The following KHDC1 variants were observed in gnomAD, a reference collection of about 807,000 sequenced individuals.
KHDC1 encodes the protein KH domain containing 1, also known as KH homology domain-containing protein 1.
Under a neutral mutation model 24.7 loss-of-function variants are expected in KHDC1, and 21 were observed. That is an observed-to-expected ratio of 0.85 (90% CI 0.60 to 1.23). KHDC1 has a LOEUF of 1.23. Among genes scored for constraint, KHDC1 ranks in the 50% most tolerant of loss-of-function variants. The probability of loss-of-function intolerance (pLI) is 0.00; values close to 1 mark genes in which losing one functional copy is unlikely to be tolerated. For synonymous variants in KHDC1, 98 were observed against 111.7 expected, an observed-to-expected ratio of 0.88 and a Z score of 0.77; for missense variants, 274 against 298.5, an observed-to-expected ratio of 0.92 and a Z score of 0.61.
chr6:73,298,910 G>C (rs779136723), intron 1 of KHDC1: 1 of 152,236 alleles, frequency 6.6e-6, no homozygotes, highest in Non-Finnish European at 1.5e-5. Flanking sequence ...AAATTTCTAA[G>C]TAAACATATA....
intron 1 of KHDC1, among the ~76,000 whole-genome samples, chr6:73,309,215 G>GGCAGACC (rs1768033776): frequency 6.6e-6 from 1 of 152,206 alleles, no homozygotes; most frequent in Admixed American, 6.5e-5. Context: ...TAAGTGACGG[G>GGCAGACC]GCAGACCCGC....
At chr6:73,254,777 C>A (rs1316162263) in intron 2 of KHDC1, among the ~76,000 whole-genome samples, 1 of 151,868 alleles carries the variant, frequency 6.6e-6, no homozygotes, top group African/African-American at 2.4e-5. Context: ...CCGAGGTGGG[C>A]GGATCACGAG....
At chr6:73,291,036 T>C (rs1767641548) in intron 2 of KHDC1, 1 of 394,202 alleles carries the variant, frequency 2.5e-6, no homozygotes, top group South Asian at 2.0e-5. Context: ...AAAGGAAGAG[T>C]AGGCTGCAGC....
intron 1 of KHDC1, among the ~76,000 whole-genome samples, chr6:73,305,489 G>A (rs900854875): frequency 1.3e-5 from 2 of 151,980 alleles, no homozygotes; most frequent in African/African-American, 4.8e-5. Context: ...AGTAATCAGA[G>A]AACCAATCTC....
At chr6:73,253,908 A>G (rs1349756908) in intron 2 of KHDC1, among the ~76,000 whole-genome samples, 1 of 152,132 alleles carries the variant, frequency 6.6e-6, no homozygotes, top group African/African-American at 2.4e-5. Flanking sequence ...TCTGTCTCCA[A>G]CAACAACAGC....
At chr6:73,257,074 C>G (rs1408573659) in intron 2 of KHDC1, among the ~76,000 whole-genome samples, 1 of 152,134 alleles carries the variant, frequency 6.6e-6, no homozygotes, top group Non-Finnish European at 1.5e-5. Flanking sequence ...AGGCAGACAG[C>G]TTGAGCTCAA....
intron 2 of KHDC1, among the ~76,000 whole-genome samples, chr6:73,254,195 C>T (rs1766835068): frequency 6.6e-6 from 1 of 152,172 alleles, no homozygotes; most frequent in Non-Finnish European, 1.5e-5. Flanking sequence ...CACAGTGGCT[C>T]ATGCCTGTAA....
intron 1 of KHDC1, among the ~76,000 whole-genome samples, chr6:73,296,692 T>C (rs1241736770): frequency 6.6e-6 from 1 of 152,206 alleles, no homozygotes; most frequent in Non-Finnish European, 1.5e-5. Context: ...AGCACTATGA[T>C]AATCTCATCA....
chr6:73,290,874 A>G (rs541705816), intron 2 of KHDC1: 4 of 359,254 alleles, frequency 1.1e-5, no homozygotes, highest in African/African-American at 6.3e-5. Flanking sequence ...CCTCTGAGCT[A>G]TGTGGATATT....
chr6:73,261,927 A>AT (rs1421446077), intron 2 of KHDC1, among the ~76,000 whole-genome samples: 2 of 151,380 alleles, frequency 1.3e-5, no homozygotes, highest in East Asian at 1.9e-4. Context: ...AAAAAAAAAA[A>AT]GCCTAGCTGG....
intron 2 of KHDC1, among the ~76,000 whole-genome samples, chr6:73,290,049 G>A (rs1248554787): frequency 1.4e-5 from 2 of 143,098 alleles, no homozygotes; most frequent in Non-Finnish European, 3.0e-5. Context: ...GCAGTGAGCC[G>A]AGATTGCGCC....
chr6:73,258,518 C>T (rs563805322), intron 2 of KHDC1, among the ~76,000 whole-genome samples: 1 of 152,236 alleles, frequency 6.6e-6, no homozygotes, highest in African/African-American at 2.4e-5. Context: ...GCTTGACCTA[C>T]AAGAAAGAGT....
At chr6:73,295,584 G>A (rs774951091) in intron 1 of KHDC1, among the ~76,000 whole-genome samples, 10 of 152,072 alleles carry the variant, frequency 6.6e-5, no homozygotes, top group Non-Finnish European at 1.5e-4. Flanking sequence ...GGTGGCTCAC[G>A]CCTGTAATCC....
chr6:73,287,373 C>A (rs185664066), intron 2 of KHDC1, among the ~76,000 whole-genome samples: 188 of 152,270 alleles, frequency 1.2e-3, no homozygotes, highest in Non-Finnish European at 2.2e-3. Flanking sequence ...CACAGAGGGA[C>A]CTGACTACTA....
intron 2 of KHDC1, among the ~76,000 whole-genome samples, chr6:73,266,492 G>A (rs1222969340): frequency 1.3e-5 from 2 of 152,208 alleles, no homozygotes; most frequent in Non-Finnish European, 2.9e-5. Flanking sequence ...GTCCTCCTGT[G>A]TTTCAACAAG....
chr6:73,246,299 G>A (rs561537864), intron 2 of KHDC1, among the ~76,000 whole-genome samples: 2 of 152,266 alleles, frequency 1.3e-5, no homozygotes, highest in South Asian at 2.1e-4. Flanking sequence ...TAACTTCTGG[G>A]AGAAGGTCAT....
intron 2 of KHDC1, among the ~76,000 whole-genome samples, chr6:73,280,400 C>T (rs914724901): frequency 1.3e-5 from 2 of 151,870 alleles, no homozygotes; most frequent in Admixed American, 1.3e-4. Flanking sequence ...TGGGCTCAAG[C>T]AATCAGCCCA....
At chr6:73,310,304 A>T (rs1339250262), upstream of KHDC1, 1 of 153,764 alleles carries the variant, frequency 6.5e-6, no homozygotes, top group Non-Finnish European at 1.4e-5. Flanking sequence ...ACGACTTTTT[A>T]CCGTTCAGGG....
chr6:73,280,023 G>A (rs1294026667), intron 2 of KHDC1, among the ~76,000 whole-genome samples: 1 of 152,080 alleles, frequency 6.6e-6, no homozygotes, highest in East Asian at 1.9e-4. Context: ...CCTATTCACA[G>A]TTTACTACAT....
Sources: allele counts gnomAD v4.1 joint callset (sites outside exome capture counted in the v4.1 genomes callset), GRCh38; gene constraint gnomAD v4.1.1; transcripts MANE v1.5; gene names NCBI Gene and HGNC (gene_info 2026-07-23, HGNC 2026-07-21).